PAPPA2: variants seen among roughly 807,000 people sequenced by gnomAD.
The protein encoded by PAPPA2 is pappalysin 2.
In PAPPA2, 86 loss-of-function variants were observed where a neutral mutation model predicts 176.4. That is an observed-to-expected ratio of 0.49 (90% CI 0.41 to 0.58). The LOEUF (loss-of-function observed/expected upper bound fraction) is 0.58. PAPPA2 is among the 20% of genes least tolerant of loss of function. The pLI, the probability that PAPPA2 is intolerant of heterozygous loss-of-function variation, is 0.00. For missense variants in PAPPA2, 2,073 were observed against 2,256.9 expected (o/e 0.92, Z 1.65); for synonymous variants, 809 against 852.2 (o/e 0.95, Z 0.88).
rs116034055 is a variant in PAPPA2, at chr1:176,512,458, G to A, written c.-916-42949G>A. 9.2e-5 allele frequency among the ~76,000 whole-genome samples: 14 copies of A among 152,240 alleles called. No homozygotes were observed. The East Asian group carries it at 2.1e-3, about 23-fold the overall frequency. ...CTTTAAGGAATTTCAAAAGCATTAT[G>A]CCAAGTAAAAGAAGCTAGCCAAGTA... On this transcript the variant is annotated intron_variant, in intron 1 of 22. Transcript: ENST00000367662.
At chr1:176,561,579 C>T (rs1243848778) in intron 2 of PAPPA2, among the ~76,000 whole-genome samples, 2 of 152,112 alleles carry the variant, frequency 1.3e-5, no homozygotes, top group African/African-American at 4.8e-5. Flanking sequence ...TCAGAGGCCC[C>T]AAAGGGCTCA....
At chr1:176,616,408 C>G in intron 3 of PAPPA2, 1 of 619,170 alleles carries the variant, frequency 1.6e-6, no homozygotes, top group Admixed American at 2.0e-5. Context: ...TGTACTGCAT[C>G]TTCATGTTTC....
chr1:176,518,059 G>C (rs944665285), intron 1 of PAPPA2, among the ~76,000 whole-genome samples: 1 of 152,074 alleles, frequency 6.6e-6, no homozygotes, highest in Non-Finnish European at 1.5e-5. Flanking sequence ...ATTTTAGAGA[G>C]CTTGAAACAG....
At chr1:176,529,734 C>T (rs963725053) in intron 1 of PAPPA2, among the ~76,000 whole-genome samples, 3 of 152,064 alleles carry the variant, frequency 2.0e-5, no homozygotes, top group African/African-American at 7.2e-5. Context: ...TTTTCAATAC[C>T]GTGGAACGTT....
chr1:176,590,456 A>T (rs1487968595), intron 2 of PAPPA2, among the ~76,000 whole-genome samples: 1 of 152,182 alleles, frequency 6.6e-6, no homozygotes, highest in Non-Finnish European at 1.5e-5. Context: ...AATATTTACT[A>T]GCATACCACT....
In PAPPA2 at chr1:176,642,233, A is replaced by T. The variant is rs912293474; in HGVS notation, c.1992-28737A>T. On this transcript the variant is annotated intron_variant, in intron 3 of 22. Transcript: ENST00000367662. ...GTCTATGACTTATTTTAATTTAAAT[A>T]ACAATAATTGCAAAGGATAATTTAA... Among the ~76,000 whole-genome samples, 7 of 152,006 alleles carry T rather than the reference A, an allele frequency of 4.6e-5. No individual in the cohort carries two copies. In the South Asian group the frequency reaches 1.5e-3, roughly 32 times the overall value.
intron 17 of PAPPA2, among the ~76,000 whole-genome samples, chr1:176,777,380 G>T (rs1664505822): frequency 6.6e-6 from 1 of 152,218 alleles, no homozygotes. Context: ...ATGGGTTTTG[G>T]TCCATTGTTT....
rs1313420102 is a variant in PAPPA2 at position 176,557,175 on chromosome 1, G to C, written c.853G>C (p.Glu285Gln). The C allele has an allele frequency of 6.2e-7, 1 of 1,613,430 alleles. No individual in the cohort carries two copies. Among genetic ancestry groups the C allele is most frequent in the Admixed American group, 1.7e-5 (1 of 59,946 alleles). Reference protein sequence around the residue: ...RPEVLAEIPREAFTVEAWVKP... With the variant: ...RPEVLAEIPRQAFTVEAWVKP... ...AGAAGTGCTGGCTGAGATTCCCCGGGAGGCGTTCACAGTGGAAGCCTGGGT... is the reference window on the plus strand; with the variant it reads ...AGAAGTGCTGGCTGAGATTCCCCGGCAGGCGTTCACAGTGGAAGCCTGGGT... Residue 285 changes from glutamate to glutamine, a missense_variant, in exon 2 of 23, where the codon GAG becomes CAG. Transcript: ENST00000367662.
At chr1:176,671,240 C>A in intron 4 of PAPPA2, 125 bp downstream of exon 4, 1 of 1,286,608 alleles carries the variant, frequency 7.8e-7, no homozygotes, top group Non-Finnish European at 1.1e-6. Context: ...GAATTAACTG[C>A]TTTGTGCTGA....
chr1:176,646,620 G>A (rs918883122), intron 3 of PAPPA2, among the ~76,000 whole-genome samples: 1 of 150,088 alleles, frequency 6.7e-6, no homozygotes, highest in African/African-American at 2.4e-5. Flanking sequence ...GAGTTCAATT[G>A]TTTTAATTTT....
chr1:176,519,041 A>G (rs1649072618), intron 1 of PAPPA2, among the ~76,000 whole-genome samples: 1 of 152,228 alleles, frequency 6.6e-6, no homozygotes, highest in Non-Finnish European at 1.5e-5. Flanking sequence ...AATATAATTT[A>G]TTTGGTAACA....
intron 21 of PAPPA2, among the ~76,000 whole-genome samples, chr1:176,838,534 G>A (rs770179595): frequency 3.9e-5 from 6 of 152,278 alleles, no homozygotes; most frequent in East Asian, 1.9e-4. Context: ...GGGAAACTCC[G>A]TAGATGTATC....
chr1:176,703,922 C>CTTGT (rs1660767413), intron 9 of PAPPA2, among the ~76,000 whole-genome samples: 1 of 152,198 alleles, frequency 6.6e-6, no homozygotes, highest in East Asian at 1.9e-4. Flanking sequence ...CCACTTGACA[C>CTTGT]TGTTGTTGTT....
At chr1:176,482,862 C>T (rs765528274) in intron 1 of PAPPA2, among the ~76,000 whole-genome samples, 15 of 152,188 alleles carry the variant, frequency 9.9e-5, no homozygotes, top group Non-Finnish European at 1.8e-4. Flanking sequence ...AAGTGTGGCA[C>T]TCTGACCAGG....
chr1:176,629,079 C>T (rs1264181865), intron 3 of PAPPA2, among the ~76,000 whole-genome samples: 1 of 152,172 alleles, frequency 6.6e-6, no homozygotes, highest in Admixed American at 6.5e-5. Flanking sequence ...CAATAACTCC[C>T]TGTGATGTTA....
chr1:176,828,668 T>C (rs1666953059), intron 21 of PAPPA2, among the ~76,000 whole-genome samples: 1 of 151,950 alleles, frequency 6.6e-6, no homozygotes, highest in South Asian at 2.1e-4. Context: ...ATGCATTGCA[T>C]AGATATGAAA....
chr1:176,486,185 C>T (rs966319935), intron 1 of PAPPA2, among the ~76,000 whole-genome samples: 14 of 152,176 alleles, frequency 9.2e-5, no homozygotes, highest in African/African-American at 2.7e-4. Context: ...AGATAGAGAA[C>T]TTTTCTTGCA....
intron 21 of PAPPA2, among the ~76,000 whole-genome samples, chr1:176,805,405 C>CT (rs1665859471): frequency 6.6e-6 from 1 of 152,196 alleles, no homozygotes; most frequent in East Asian, 1.9e-4. Flanking sequence ...CTCTTCAACT[C>CT]TTTGTTGATA....
At chr1:176,681,252 G>A (rs1378637761) in intron 4 of PAPPA2, among the ~76,000 whole-genome samples, 2 of 152,156 alleles carry the variant, frequency 1.3e-5, no homozygotes, top group Non-Finnish European at 2.9e-5. Flanking sequence ...ATTTCCGAGT[G>A]TTCTGGCTTG....
Sources: gnomAD v4.1 joint callset for allele counts (sites outside exome capture counted in the v4.1 genomes callset) on GRCh38, gnomAD v4.1.1 for gene constraint, MANE v1.5 for transcripts, NCBI Gene and HGNC (gene_info 2026-07-23, HGNC 2026-07-21) for gene names.